Variants in ASTN2 observed in about 807,000 individuals in gnomAD.
The protein encoded by ASTN2 is astrotactin-2.
In ASTN2, 54 loss-of-function variants were observed where a neutral mutation model predicts 139.8. That is an observed-to-expected ratio of 0.39 (90% CI 0.31 to 0.48). ASTN2 has a LOEUF of 0.48. Among genes scored for constraint, ASTN2 ranks in the 20% least tolerant of loss-of-function variants. The pLI, the probability that ASTN2 is intolerant of heterozygous loss-of-function variation, is 0.95. For synonymous variants in ASTN2, 756 were observed against 719.5 expected (o/e 1.05, Z -0.81); for missense variants, 1,565 against 1,725.1 (o/e 0.91, Z 1.64).
chr9:117,114,358 G>A (rs1235482514), intron 4 of ASTN2, among the ~76,000 whole-genome samples: 4 of 152,086 alleles, frequency 2.6e-5, no homozygotes, highest in African/African-American at 9.7e-5. Context: ...CTTCTCCTCT[G>A]CATTTCAGGC....
intron 3 of ASTN2, among the ~76,000 whole-genome samples, chr9:117,184,254 C>T (rs935429262): frequency 2.6e-5 from 4 of 152,154 alleles, no homozygotes; most frequent in Non-Finnish European, 4.4e-5. Context: ...GGAGCAGAGC[C>T]GGGGGTATAG....
intron 2 of ASTN2, among the ~76,000 whole-genome samples, chr9:117,246,606 G>C (rs1189939047): frequency 6.6e-6 from 1 of 152,194 alleles, no homozygotes; most frequent in South Asian, 2.1e-4. Context: ...CTCCCAAAAA[G>C]ACAGTGGAAC....
intron 19 of ASTN2, among the ~76,000 whole-genome samples, chr9:116,596,365 T>C (rs148664083): frequency 1.5e-3 from 226 of 152,330 alleles, no homozygotes; most frequent in African/African-American, 4.2e-3. Flanking sequence ...CTGTAAAACA[T>C]AGCACCTATA....
At chr9:116,823,611 G>A (rs1831545317) in intron 11 of ASTN2, among the ~76,000 whole-genome samples, 1 of 152,196 alleles carries the variant, frequency 6.6e-6, no homozygotes, top group Non-Finnish European at 1.5e-5. Flanking sequence ...CCCCAGCTTG[G>A]TGTTCTCTGT....
At chr9:117,339,518 C>T (rs559718052) in intron 1 of ASTN2, among the ~76,000 whole-genome samples, 39 of 152,240 alleles carry the variant, frequency 2.6e-4, no homozygotes, top group African/African-American at 9.1e-4. Flanking sequence ...AAAGGAACTC[C>T]TTTGCCAACA....
chr9:116,689,325 A>C (rs577002302), intron 16 of ASTN2, among the ~76,000 whole-genome samples: 6 of 152,232 alleles, frequency 3.9e-5, no homozygotes, highest in African/African-American at 1.4e-4. Context: ...TATGATAACA[A>C]GACCAATGTC....
At chr9:116,877,126 G>A (rs1229337138) in intron 10 of ASTN2, among the ~76,000 whole-genome samples, 2 of 152,150 alleles carry the variant, frequency 1.3e-5, no homozygotes, top group Admixed American at 6.5e-5. Flanking sequence ...CTTAGCCAAC[G>A]GGATCTGCTT....
chr9:117,278,713 G>A (rs368206385), intron 2 of ASTN2, among the ~76,000 whole-genome samples: 9 of 152,188 alleles, frequency 5.9e-5, no homozygotes, highest in African/African-American at 2.2e-4. Flanking sequence ...TATTAAAGAC[G>A]CCCTTGAGCT....
intron 3 of ASTN2, among the ~76,000 whole-genome samples, chr9:117,205,125 G>T (rs1831873257): frequency 6.6e-6 from 1 of 152,170 alleles, no homozygotes; most frequent in African/African-American, 2.4e-5. Flanking sequence ...AACAAATGGG[G>T]GTAGTGACAA....
intron 7 of ASTN2, among the ~76,000 whole-genome samples, chr9:116,983,935 G>A (rs1171221309): frequency 4.6e-5 from 7 of 152,124 alleles, no homozygotes; most frequent in Non-Finnish European, 4.4e-5. Context: ...GTGTGACAAA[G>A]GAGAAAAAGA....
At chr9:117,260,219 T>G (rs1370906660) in intron 2 of ASTN2, among the ~76,000 whole-genome samples, 1 of 152,148 alleles carries the variant, frequency 6.6e-6, no homozygotes, top group African/African-American at 2.4e-5. Context: ...AAGACCACAA[T>G]GGCTTCACCT....
intron 1 of ASTN2, among the ~76,000 whole-genome samples, chr9:117,395,448 G>T (rs1168555831): frequency 6.6e-6 from 1 of 152,182 alleles, no homozygotes; most frequent in African/African-American, 2.4e-5. Context: ...ATTATACTCT[G>T]CACCTCATAA....
chr9:116,983,043 T>C (rs535582955), intron 7 of ASTN2, among the ~76,000 whole-genome samples: 1 of 152,338 alleles, frequency 6.6e-6, no homozygotes, highest in Non-Finnish European at 1.5e-5. Flanking sequence ...CCTGTCATTC[T>C]ATGATTCCAT....
chr9:116,515,776 G>A (rs746133466), intron 19 of ASTN2, among the ~76,000 whole-genome samples: 8 of 152,162 alleles, frequency 5.3e-5, no homozygotes, highest in Non-Finnish European at 1.0e-4. Context: ...ATGATCTACT[G>A]AGCAGACATC....
chr9:117,063,899 C>A lies in ASTN2; in HGVS notation c.1277-23934G>T, dbSNP rs963398786. Among the ~76,000 whole-genome samples, 3 of 151,890 alleles carry A rather than the reference C, an allele frequency of 2.0e-5. No individual in the cohort carries two copies. The East Asian group carries it at 5.9e-4, about 30-fold the overall frequency. On this transcript the variant is annotated intron_variant, in intron 5 of 22. Coordinates refer to ENST00000313400, the MANE Select transcript of ASTN2 (RefSeq NM_001365068.1). ...AGTGCTAGATGAAAGCAGAGCTAGC[C>A]GAGAGCTATAAATAGTGTGCCAAGT...
chr9:116,698,338 T>C lies in ASTN2; in HGVS notation c.2806+27433A>G. 6.2e-7 allele frequency: 1 copy of C among 1,614,146 alleles called. No individual in the cohort carries two copies. Among genetic ancestry groups the C allele is most frequent in the Non-Finnish European group, 8.5e-7 (1 of 1,180,028 alleles). ...GAGGAGCGCAGGGTCCAGGATGAGC[T>C]GGCTCGCTCTCGGAAGTTCTTCACA... is the stretch of plus-strand genomic sequence containing the variant. On this transcript the variant is annotated intron_variant, in intron 16 of 22. Coordinates refer to ENST00000313400, the MANE Select transcript of ASTN2 (RefSeq NM_001365068.1). The surrounding 1 kb of genome is among the most constrained non-coding windows in gnomAD (Gnocchi z 4.4).
intron 1 of ASTN2, among the ~76,000 whole-genome samples, chr9:117,372,189 A>G (rs1830008179): frequency 6.6e-6 from 1 of 152,068 alleles, no homozygotes; most frequent in Non-Finnish European, 1.5e-5. Flanking sequence ...CAATGCAATG[A>G]CTCAAAGGGT....
chr9:116,752,086 A>G (rs1829416882), intron 13 of ASTN2, among the ~76,000 whole-genome samples: 1 of 152,192 alleles, frequency 6.6e-6, no homozygotes, highest in South Asian at 2.1e-4. Flanking sequence ...ACACTACCTG[A>G]CTTTAAGACT....
chr9:117,314,457 G>A (rs909259327), intron 1 of ASTN2, among the ~76,000 whole-genome samples: 20 of 151,374 alleles, frequency 1.3e-4, no homozygotes, highest in African/African-American at 4.9e-4. Flanking sequence ...ATGAGCCAAG[G>A]ACCTGTGGCC....
Sources: allele counts gnomAD v4.1 joint callset (sites outside exome capture counted in the v4.1 genomes callset), GRCh38; gene constraint gnomAD v4.1.1; non-coding constraint Gnocchi (gnomAD v3.1); transcripts MANE v1.5; gene names NCBI Gene and HGNC (gene_info 2026-07-23, HGNC 2026-07-21).